The following HOMER2 variants were observed in gnomAD, a reference collection of about 807,000 sequenced individuals.
The protein encoded by HOMER2 is homer scaffold protein 2.
Under a neutral mutation model 47.0 loss-of-function variants are expected in HOMER2, and 27 were observed. That is an observed-to-expected ratio of 0.57 (90% confidence interval 0.42 to 0.79). The LOEUF (loss-of-function observed/expected upper bound fraction) is 0.79. Ranked by LOEUF, HOMER2 falls within the 30% of genes least tolerant of loss-of-function variation. HOMER2 has a pLI of 0.00. For missense variants in HOMER2, 443 were observed against 435.0 expected, an observed-to-expected ratio of 1.02 and a Z score of -0.16; for synonymous variants, 161 against 163.8, an observed-to-expected ratio of 0.98 and a Z score of 0.13.
chr15:82,837,359 G>C (rs1274769801), exon 2 of HOMER2: 2 of 152,196 alleles, frequency 1.3e-5, no homozygotes, highest in Non-Finnish European at 1.5e-5. Context: ...CCATTATTCT[G>C]TCTAGTAAAA....
chr15:82,850,855 C>A (rs951704132), intron 8 of HOMER2, among the ~76,000 whole-genome samples: 1 of 152,156 alleles, frequency 6.6e-6, no homozygotes, highest in Non-Finnish European at 1.5e-5. Context: ...CTCAGGCCGC[C>A]CCCCCGCTCC....
At chr15:82,910,910 C>T (rs1345120092) in intron 1 of HOMER2, among the ~76,000 whole-genome samples, 2 of 140,178 alleles carry the variant, frequency 1.4e-5, no homozygotes, top group African/African-American at 2.9e-5. Flanking sequence ...ACAACTTTTC[C>T]GTTTCTCTTC....
intron 1 of HOMER2, among the ~76,000 whole-genome samples, chr15:82,959,654 T>C (rs997971015): frequency 2.6e-5 from 4 of 152,192 alleles, no homozygotes; most frequent in African/African-American, 9.6e-5. Context: ...AATGATTTAA[T>C]TGGTTTGAGT....
intron 3 of HOMER2, among the ~76,000 whole-genome samples, chr15:82,872,594 C>T (rs964382923): frequency 4.6e-5 from 7 of 152,202 alleles, no homozygotes; most frequent in African/African-American, 1.2e-4. Flanking sequence ...AAGCCTTCCA[C>T]GACTGGACCT....
intron 4 of HOMER2, among the ~76,000 whole-genome samples, chr15:82,860,706 G>T (rs886688690): frequency 6.6e-6 from 1 of 152,102 alleles, no homozygotes; most frequent in Non-Finnish European, 1.5e-5. Context: ...GGAGGCCAAG[G>T]TAGGCAGATC....
At chr15:82,899,798 G>A (rs1038454584) in intron 1 of HOMER2, among the ~76,000 whole-genome samples, 3 of 152,104 alleles carry the variant, frequency 2.0e-5, no homozygotes, top group African/African-American at 4.8e-5. Context: ...CAAGGTGGGC[G>A]GATCACTTGA....
chr15:82,898,947 G>T (rs1224252699), intron 1 of HOMER2, among the ~76,000 whole-genome samples: 4 of 152,174 alleles, frequency 2.6e-5, no homozygotes, highest in African/African-American at 9.7e-5. Context: ...AGTCTTGTAA[G>T]GTACCCTAAT....
chr15:82,919,366 T>C (rs1875376390), intron 1 of HOMER2, among the ~76,000 whole-genome samples: 1 of 152,226 alleles, frequency 6.6e-6, no homozygotes, highest in South Asian at 2.1e-4. Context: ...GGTTGGCCTG[T>C]TGGCCAGACG....
In HOMER2 at chr15:82,912,090, G is replaced by T. The variant is rs568455437; in HGVS notation, c.6-19249C>A. Reference sequence around the variant, plus strand: ...AAATGAATAATTTTTAAAGTTATTTGTATTGAGATATAATGTGGACACCAT... The same window carrying T: ...AAATGAATAATTTTTAAAGTTATTTTTATTGAGATATAATGTGGACACCAT... On this transcript the variant is annotated intron_variant, in intron 1 of 8. Transcript: ENST00000450735. Among the ~76,000 whole-genome samples the T allele has an allele frequency of 2.6e-5, 4 of 152,252 alleles. No homozygotes were observed. In the South Asian group the frequency reaches 8.3e-4, roughly 32 times the overall value.
chr15:82,872,549 T>C (rs1028365898), intron 3 of HOMER2, among the ~76,000 whole-genome samples: 1 of 152,202 alleles, frequency 6.6e-6, no homozygotes, highest in Non-Finnish European at 1.5e-5. Flanking sequence ...TCTCAGGCCA[T>C]AGGACAAAGT....
chr15:82,841,523 TAA>T (rs1260983919), exon 2 of HOMER2: 123 of 47,310 alleles, frequency 2.6e-3, no homozygotes, highest in African/African-American at 0.018. Flanking sequence ...CTCTTCTAAG[TAA>T]AAAAAATTTG....
intron 2 of HOMER2, among the ~76,000 whole-genome samples, chr15:82,890,619 C>A (rs1314870804): frequency 6.6e-6 from 1 of 152,204 alleles, no homozygotes; most frequent in Admixed American, 6.5e-5. Flanking sequence ...CCTTCAGGAA[C>A]TGCAGAGCCA....
chr15:82,917,923 G>A (rs2053631416), intron 1 of HOMER2, among the ~76,000 whole-genome samples: 2 of 152,102 alleles, frequency 1.3e-5, no homozygotes, highest in South Asian at 2.1e-4. Context: ...CAGGTGTGGG[G>A]GCCCCAAATC....
intron 1 of HOMER2, among the ~76,000 whole-genome samples, chr15:82,973,677 G>A (rs1490590330): frequency 6.6e-6 from 1 of 152,210 alleles, no homozygotes; most frequent in Non-Finnish European, 1.5e-5. Flanking sequence ...ACACATCATA[G>A]TTCATAAAAT....
intron 1 of HOMER2, among the ~76,000 whole-genome samples, chr15:82,896,694 C>G (rs956272198): frequency 8.2e-5 from 12 of 145,666 alleles, no homozygotes; most frequent in Non-Finnish European, 1.5e-4. Flanking sequence ...GACCTGCATT[C>G]CTCATCCTCG....
chr15:82,876,839 C>T (rs2052363908), intron 2 of HOMER2, among the ~76,000 whole-genome samples: 2 of 152,222 alleles, frequency 1.3e-5, no homozygotes, highest in South Asian at 4.1e-4. Flanking sequence ...AAAGGACAGA[C>T]CTTCCAGATA....
At chr15:82,984,780 C>A (rs1230446619) in intron 1 of HOMER2, among the ~76,000 whole-genome samples, 2 of 152,180 alleles carry the variant, frequency 1.3e-5, no homozygotes, top group Non-Finnish European at 2.9e-5. Context: ...CACGTCACTG[C>A]ACTCCAGCCT....
Position 82,903,584 on chromosome 15 carries a change from A to C in HOMER2, c.6-10743T>G, listed in dbSNP as rs149716445. Among the ~76,000 whole-genome samples the C allele has an allele frequency of 2.2e-4, 33 of 152,028 alleles. No homozygotes were observed. In the East Asian group the frequency reaches 6.2e-3, roughly 29 times the overall value. On this transcript the variant is annotated intron_variant, in intron 1 of 8. Coordinates refer to ENST00000450735, the MANE Select transcript of HOMER2 (RefSeq NM_004839.4). ...CCGTTGGCCGAGATTGCGCCATTGCACTCCAGCCTGGGCAACAAGAGCGAA... is the reference window on the plus strand; with the variant it reads ...CCGTTGGCCGAGATTGCGCCATTGCCCTCCAGCCTGGGCAACAAGAGCGAA...
chr15:82,882,881 CTTTTTTTTTTT>C (rs757073475), intron 2 of HOMER2, among the ~76,000 whole-genome samples: 3 of 27,038 alleles, frequency 1.1e-4, no homozygotes, highest in African/African-American at 1.6e-4. Flanking sequence ...CCAGCCACTG[CTTTTTTTTTTT>C]TTTTTTTTTT....
Sources: gnomAD v4.1 joint callset for allele counts (sites outside exome capture counted in the v4.1 genomes callset) on GRCh38, gnomAD v4.1.1 for gene constraint, MANE v1.5 for transcripts, NCBI Gene and HGNC (gene_info 2026-07-23, HGNC 2026-07-21) for gene names.